Variants in BRAT1 observed in about 807,000 individuals in gnomAD.
BRAT1 encodes integrator complex assembly factor BRAT1.
In BRAT1, 74 loss-of-function variants were observed where a neutral mutation model predicts 70.6. That is an observed-to-expected ratio of 1.05 (90% CI 0.87 to 1.27). The LOEUF (loss-of-function observed/expected upper bound fraction) is 1.27, where lower values mean the gene tolerates loss of function less well. Ranked by LOEUF, BRAT1 falls within the 50% of genes most tolerant of loss-of-function variation. BRAT1 has a pLI of 0.00. For synonymous variants in BRAT1, 615 were observed against 517.1 expected (o/e 1.19, Z -2.57); for missense variants, 1,203 against 1,098.2 (o/e 1.10, Z -1.35).
rs1779129561 is a variant in BRAT1 at position 2,541,216 on chromosome 7, C to T, written c.1321+82G>A. ...CCAGAGAAGAAACAGAGAGGGACAG[C>T]AGTTCCCGGGTGCCTCCGAGCAGAA... On this transcript the variant is annotated intron_variant, in intron 9 of 13. Transcript: ENST00000340611. The T allele has an allele frequency of 5.4e-6, 8 of 1,477,476 alleles. No homozygotes were observed. In the Admixed American group the frequency reaches 1.5e-4, roughly 28 times the overall value. 91.5% of individuals were successfully genotyped at this position (1,477,476 alleles called of 1,614,324 possible).
At chr7:2,542,668 A>C (rs968981790) in intron 6 of BRAT1, 2 of 190,204 alleles carry the variant, frequency 1.1e-5, no homozygotes, top group Non-Finnish European at 2.2e-5. Context: ...ACATTCGGAG[A>C]CCCCGGAGCT....
In BRAT1 at chr7:2,543,816, C is replaced by T. The variant is rs757264014; in HGVS notation, c.577G>A (p.Ala193Thr). 1.4e-5 allele frequency: 22 copies of T among 1,612,840 alleles called. No individual in the cohort carries two copies. Among genetic ancestry groups the T allele is most frequent in the African/African-American group, 4.0e-5 (3 of 74,918 alleles). The change falls in exon 5 of 14, where the codon GCG becomes ACG. Residue 193 changes from alanine (A) to threonine (T), a missense_variant. Transcript: ENST00000340611. This position sits in a 1 kb window ranked among gnomAD's most constrained non-coding sequence, Gnocchi z 5.5. ...TGATCCATGATCTTCTGGGCACACG[C>T]GGGCCAGTCACCCCCCGGCAGGCAG... ...QPCLPGGDWP[A>T]CAQKIMDHVE...
At chr7:2,539,104 C>G (rs1583292712) in intron 13 of BRAT1, 75 bp downstream of exon 13, 2 of 1,519,270 alleles carry the variant, frequency 1.3e-6, no homozygotes, top group Admixed American at 2.0e-5. Context: ...GCTGGCCGCT[C>G]GACCACCCGC....
rs187291856 is a variant in BRAT1, at chr7:2,544,631, G to A, written c.430+278C>T. On this transcript the variant is annotated intron_variant, in intron 4 of 13. Transcript: ENST00000340611. ...TCCTCTTGCTTCAGCCTCCCGAGTA[G>A]CTGGGACTATAGCCACGCATCACCA... 3.3e-5 allele frequency among the ~76,000 whole-genome samples: 5 copies of A among 152,300 alleles called. No homozygotes were observed. In the East Asian group the frequency reaches 9.6e-4, roughly 29 times the overall value.
rs767994332 is a variant in BRAT1 at position 2,539,296 on chromosome 7, C to G, written c.1653G>C (p.Leu551=). The change falls in exon 13 of 14, where the codon CTG becomes CTC. Residue 551 remains leucine (L), a synonymous_variant. Transcript: ENST00000340611. ...LLASEVPQLA[L]QLLQDPESYV... is the part of the protein sequence containing the mutation. ...AACTCTCAGGGTCCTGGAGGAGCTG[C>G]AGGGCCAGCTGAGGCACCTCTGAAG... The G allele has an allele frequency of 2.5e-6, 4 of 1,611,866 alleles. No individual in the cohort carries two copies. The highest frequency in any genetic ancestry group is 3.4e-6 in the Non-Finnish European group (4 of 1,179,842).
At chr7:2,549,414 C>T (rs1779838830) in intron 2 of BRAT1, among the ~76,000 whole-genome samples, 1 of 152,062 alleles carries the variant, frequency 6.6e-6, no homozygotes, top group South Asian at 2.1e-4. Flanking sequence ...GAGGTCAAGG[C>T]TGCAGTGAGC....
intron 2 of BRAT1, among the ~76,000 whole-genome samples, chr7:2,551,944 T>G (rs1780034574): frequency 6.7e-6 from 1 of 149,894 alleles, no homozygotes; most frequent in Non-Finnish European, 1.5e-5. Flanking sequence ...GGATACTCTT[T>G]TAAGTAACTT....
chr7:2,541,607 C>A, intron 8 of BRAT1, 111 bp downstream of exon 8: 8 of 1,449,808 alleles, frequency 5.5e-6, no homozygotes, highest in South Asian at 1.3e-5. Flanking sequence ...CCACTGCTGG[C>A]GTGGATGCAA....
chr7:2,539,875 G>A lies in BRAT1; in HGVS notation c.1409C>T (p.Ala470Val), dbSNP rs1185091641. ...GAGCCACCTGAGCGTGGCCTGGAAG[G>A]CCTTCTTCAGAACCTGGAGCAGATA... is the stretch of plus-strand genomic sequence containing the variant. ...PGSSPTVLKK[A>V]FQATLRWLLS... Residue 470 changes from alanine to valine, a missense_variant, in exon 11 of 14, where the codon GCC becomes GTC. Ala to Val is a moderately conservative substitution (Grantham distance 64). Coordinates refer to ENST00000340611, the MANE Select transcript of BRAT1 (RefSeq NM_152743.4). 1 of 1,571,980 alleles carries A rather than the reference G, an allele frequency of 6.4e-7. No individual in the cohort carries two copies. Among genetic ancestry groups the A allele is most frequent in the Non-Finnish European group, 8.6e-7 (1 of 1,161,770 alleles).
Position 2,538,307 on chromosome 7 carries a change from G to C in BRAT1, c.2228C>G (p.Pro743Arg). Reference protein sequence around the residue: ...YSSLREARGSPNTASAEATLP... With the variant: ...YSSLREARGSRNTASAEATLP... ...GGTGGCCTCTGCGGAGGCAGTGTTG[G>C]GGCTGCCCCTGGCCTCCCGCAGGCT... is the stretch of plus-strand genomic sequence containing the variant. The change falls in exon 14 of 14, where the codon CCC becomes CGC. Residue 743 changes from proline (P) to arginine (R), a missense_variant. Transcript: ENST00000340611. The C allele has an allele frequency of 8.1e-6, 13 of 1,612,864 alleles. No individual in the cohort carries two copies. Among genetic ancestry groups the C allele is most frequent in the Non-Finnish European group, 1.0e-5 (12 of 1,179,854 alleles).
chr7:2,549,920 T>G (rs1270331824), intron 2 of BRAT1, among the ~76,000 whole-genome samples: 1 of 152,096 alleles, frequency 6.6e-6, no homozygotes, highest in African/African-American at 2.4e-5. Context: ...GACACAACAT[T>G]CCTACATCTA....
intron 10 of BRAT1, 71 bp downstream of exon 10, chr7:2,540,908 G>A: frequency 3.6e-6 from 5 of 1,397,026 alleles, no homozygotes; most frequent in Middle Eastern, 1.9e-4. Flanking sequence ...CACGGGACGG[G>A]GTGGAGTCAG....
intron 10 of BRAT1, 92 bp from the exon 11 acceptor site, chr7:2,539,980 T>TC: frequency 1.1e-6 from 1 of 901,738 alleles, no homozygotes; most frequent in Non-Finnish European, 1.6e-6. Context: ...CTGCCCGTAC[T>TC]CCAGGGACAG....
chr7:2,538,144 CT>C lies in BRAT1; in HGVS notation c.2390del (p.Lys797ArgfsTer84). The C allele has an allele frequency of 6.2e-7, 1 of 1,608,746 alleles. No individual in the cohort carries two copies. Among genetic ancestry groups the C allele is most frequent in the Non-Finnish European group, 8.5e-7 (1 of 1,176,878 alleles). ...TGTCCTGCAGGAGGGACTGGGGACT[CT>C]TTTCCACGTGGTCGCTGCTCTCGGC... is the stretch of plus-strand genomic sequence containing the variant. ...TLAESSDHVEKSPQSLLQDML... is the reference protein window; with the variant it reads ...TLAESSDHVEXSPQSLLQDML... On this transcript the variant is annotated frameshift_variant, in exon 14 of 14. Transcript: ENST00000340611. LOFTEE classifies it high-confidence loss of function.
intron 6 of BRAT1, 99 bp from the exon 7 acceptor site, chr7:2,542,310 G>A (rs1421878301): frequency 2.0e-6 from 2 of 1,000,354 alleles, no homozygotes; most frequent in Non-Finnish European, 3.1e-6. Context: ...TCAGCCAGGG[G>A]GTTGGGACAC....
rs1778927200 is a variant in BRAT1 at position 2,539,053 on chromosome 7, T to G, written c.1770+126A>C. The G allele has an allele frequency of 2.7e-6, 4 of 1,461,814 alleles. No homozygotes were observed. In the Middle Eastern group the frequency reaches 7.7e-4, roughly 281 times the overall value. 90.6% of individuals were successfully genotyped at this position (1,461,814 alleles called of 1,614,324 possible). A position where few individuals can be genotyped will look rare whatever the true frequency, so the allele number is the denominator to read the frequency against. ...GCCCCAGGGCCTCGGCAGTCACTGC[T>G]GCAGGCGCTGCCCACAGCAGCAGCT... On this transcript the variant is annotated intron_variant, in intron 13 of 13. Coordinates refer to ENST00000340611, the MANE Select transcript of BRAT1 (RefSeq NM_152743.4).
intron 10 of BRAT1, 83 bp downstream of exon 10, chr7:2,540,896 T>G (rs1779096257): frequency 6.1e-5 from 81 of 1,336,486 alleles, no homozygotes; most frequent in Non-Finnish European, 7.9e-5. Context: ...CGCAGAGGCC[T>G]GCACGGGACG....
At chr7:2,545,822 C>T (rs1020054253) in intron 3 of BRAT1, among the ~76,000 whole-genome samples, 1 of 152,172 alleles carries the variant, frequency 6.6e-6, no homozygotes, top group Non-Finnish European at 1.5e-5. Context: ...TGCTGACAGA[C>T]AAGGGCCCCC....
rs773268982 is a variant in BRAT1, at chr7:2,539,258, C to A, written c.1691G>T (p.Ser564Ile). Reference protein sequence around the residue: ...LQDPESYVRASAVTAMGQLSS... With the variant: ...LQDPESYVRAIAVTAMGQLSS... ...CAGCTGCCCCATGGCGGTCACTGCA[C>A]TCGCTCGGACATAACTCTCAGGGTC... Residue 564 changes from serine (S) to isoleucine (I), a missense_variant, in exon 13 of 14, where the codon AGT becomes ATT. Transcript: ENST00000340611. 1 of 1,611,698 alleles carries A rather than the reference C, an allele frequency of 6.2e-7. No individual in the cohort carries two copies. Among genetic ancestry groups the A allele is most frequent in the Admixed American group, 1.7e-5 (1 of 60,022 alleles).
Sources: allele counts gnomAD v4.1 joint callset (sites outside exome capture counted in the v4.1 genomes callset), GRCh38; gene constraint gnomAD v4.1.1; non-coding constraint Gnocchi (gnomAD v3.1); transcripts MANE v1.5; gene names NCBI Gene and HGNC (gene_info 2026-07-23, HGNC 2026-07-21).